The following ITGAE variants were observed in gnomAD, a reference collection of about 807,000 sequenced individuals.
ITGAE encodes the protein integrin alpha-E.
ITGAE carries 99 observed loss-of-function variants against 136.5 expected under a neutral mutation model. The observed-to-expected ratio is 0.73, with a 90% CI of 0.62 to 0.86. ITGAE has a LOEUF of 0.86. Ranked by LOEUF, ITGAE falls within the 40% of genes least tolerant of loss-of-function variation. The pLI, the probability that ITGAE is intolerant of heterozygous loss-of-function variation, is 0.00. For synonymous variants in ITGAE, 613 were observed against 591.8 expected (o/e 1.04, Z -0.52); for missense variants, 1,447 against 1,515.3 (o/e 0.95, Z 0.75).
rs552740214 is a variant in ITGAE at position 3,744,014 on chromosome 17, T to C, written c.2320-397A>G. The stretch of plus-strand genomic sequence containing the variant: ...CACCGCGCCCGGCCTCTTTTCTTTT[T>C]TTTTTTTTTTAAGATAAGGTCTCAC... On this transcript the variant is annotated intron_variant, in intron 18 of 30. Transcript: ENST00000263087. 7.9e-5 allele frequency among the ~76,000 whole-genome samples: 12 copies of C among 151,634 alleles called. No individual in the cohort carries two copies. The East Asian group carries it at 1.7e-3, about 22-fold the overall frequency.
rs367959525 is a variant in ITGAE at position 3,798,347 on chromosome 17, G to A, written c.34+2764C>T. On this transcript the variant is annotated intron_variant, in intron 1 of 30. Transcript: ENST00000263087. This position sits in a 1 kb window ranked among gnomAD's most constrained non-coding sequence, Gnocchi z 4.3. ...GCACCTCCAGGGCCCAGCATGTCCC[G>A]ATTTGGGGCGGGGCTGGAAGGGAAA... Among the ~76,000 whole-genome samples, 20 of 152,166 alleles carry A rather than the reference G, an allele frequency of 1.3e-4. No individual in the cohort carries two copies. Among genetic ancestry groups the A allele is most frequent in the East Asian group, 5.8e-4 (3 of 5,198 alleles).
intron 19 of ITGAE, among the ~76,000 whole-genome samples, chr17:3,741,382 C>T (rs1051967696): frequency 2.0e-5 from 3 of 151,934 alleles, no homozygotes; most frequent in South Asian, 2.1e-4. Context: ...CCCCCGCGCC[C>T]GGCCTTTTGT....
chr17:3,745,144 C>T (rs1014821295), intron 18 of ITGAE, among the ~76,000 whole-genome samples: 3 of 152,036 alleles, frequency 2.0e-5, no homozygotes, highest in African/African-American at 4.8e-5. Context: ...TCTAGATGGT[C>T]GTTTCTATCT....
chr17:3,734,957 G>A lies in ITGAE; in HGVS notation c.2523-8C>T. The A allele has an allele frequency of 1.9e-6, 3 of 1,614,074 alleles. No homozygotes were observed. The highest frequency in any genetic ancestry group is 2.5e-6 in the Non-Finnish European group (3 of 1,179,946). ...CCCACCACCAACTCCTGCCTGCACA[G>A]GGTACAGATAAAAATGTTACAGTTT... On this transcript the variant is annotated splice_region_variant and splice_polypyrimidine_tract_variant and intron_variant, in intron 20 of 30. Coordinates refer to ENST00000263087, the MANE Select transcript of ITGAE (RefSeq NM_002208.5).
chr17:3,765,239 C>T (rs1424151478), intron 2 of ITGAE, among the ~76,000 whole-genome samples: 2 of 149,792 alleles, frequency 1.3e-5, no homozygotes, highest in Non-Finnish European at 3.0e-5. Flanking sequence ...GTCCCAGCTA[C>T]TCGGGAGCCT....
In ITGAE at chr17:3,774,434, T is replaced by G. The variant is rs578032932; in HGVS notation, c.155+3106A>C. Among the ~76,000 whole-genome samples, 25 of 152,168 alleles carry G rather than the reference T, an allele frequency of 1.6e-4. No individual in the cohort carries two copies. The East Asian group carries it at 4.8e-3, about 29-fold the overall frequency. Reference sequence around the variant, plus strand: ...AACAGCAATACGTAATACATAAACCTTGACCAGATCTGGCTTTAAAACAAC... The same window carrying G: ...AACAGCAATACGTAATACATAAACCGTGACCAGATCTGGCTTTAAAACAAC... On this transcript the variant is annotated intron_variant, in intron 2 of 30. Transcript: ENST00000263087.
intron 1 of ITGAE, among the ~76,000 whole-genome samples, chr17:3,795,990 T>A (rs1414224401): frequency 1.4e-4 from 1 of 7,112 alleles, no homozygotes; most frequent in Non-Finnish European, 3.3e-4. Flanking sequence ...TGTGTGCATC[T>A]GTGTGTGCAT....
intron 13 of ITGAE, 79 bp from the exon 14 acceptor site, chr17:3,753,509 C>G: frequency 6.6e-7 from 1 of 1,521,290 alleles, no homozygotes; most frequent in Non-Finnish European, 8.9e-7. Flanking sequence ...TGCCCGCGTG[C>G]TTCCTGGACC....
intron 5 of ITGAE, 26 bp from the exon 6 acceptor site, chr17:3,761,203 C>T (rs773944822): frequency 6.2e-7 from 1 of 1,605,916 alleles, no homozygotes; most frequent in Admixed American, 1.7e-5. Context: ...TGGAAGAGCT[C>T]AGAGTCAGAA....
chr17:3,743,499 G>A lies in ITGAE; in HGVS notation c.2438C>T (p.Ala813Val), dbSNP rs1172802064. The change falls in exon 19 of 31, where the codon GCC becomes GTC. Residue 813 changes from alanine to valine, a missense_variant. Ala to Val is a moderately conservative substitution (Grantham distance 64). Around this residue, in one of 3 missense-constraint regions of ITGAE, gnomAD observed 1,031 missense variants for 1,011.4 expected, o/e 1.02. Coordinates refer to ENST00000263087, the MANE Select transcript of ITGAE (RefSeq NM_002208.5). ...TGTGGGTAGAGTCACCTGGAAGATG[G>A]CAAAGGGCTCAGTGTAGCGGTCCAG... ...PILDRYTEPF[A>V]IFQLPYEKAC... The A allele has an allele frequency of 1.3e-6, 2 of 1,595,896 alleles. No homozygotes were observed. The highest frequency in any genetic ancestry group is 3.7e-5 in the Admixed American group (2 of 54,642).
intron 14 of ITGAE, among the ~76,000 whole-genome samples, chr17:3,752,799 C>T (rs551608633): frequency 6.6e-6 from 1 of 151,846 alleles, no homozygotes; most frequent in African/African-American, 2.4e-5. Flanking sequence ...CCTGTAATCC[C>T]AACACTTTGG....
At chr17:3,789,124 G>A (rs1284097099) in intron 1 of ITGAE, among the ~76,000 whole-genome samples, 1 of 152,032 alleles carries the variant, frequency 6.6e-6, no homozygotes, top group Non-Finnish European at 1.5e-5. Flanking sequence ...GAGCCTGCCT[G>A]TGGTCCTAGC....
intron 6 of ITGAE, 103 bp from the exon 7 acceptor site, chr17:3,760,390 C>A: frequency 1.3e-5 from 4 of 312,252 alleles, no homozygotes; most frequent in South Asian, 3.0e-5. Context: ...ACAACCAGCT[C>A]AGTTCAGGGA....
chr17:3,792,780 T>C (rs955061611), intron 1 of ITGAE, among the ~76,000 whole-genome samples: 4 of 152,202 alleles, frequency 2.6e-5, no homozygotes, highest in Non-Finnish European at 5.9e-5. Flanking sequence ...GATATCAACA[T>C]GAAAAAGATC....
rs993620240 is a variant in ITGAE at position 3,716,720 on chromosome 17, C to T, written c.3412G>A (p.Val1138Met). ...IIKGSVGGLL[V>M]LIVILVILFK... ...AGGATGACCAGAATCACGATCAACA[C>T]CAGAAGTCCACCAACGCTGCCTTTA... is the stretch of plus-strand genomic sequence containing the variant. The change falls in exon 30 of 31, where the codon GTG becomes ATG. Residue 1138 changes from valine to methionine, a missense_variant. By Grantham distance (21) the Val-to-Met change is conservative (BLOSUM62 1). This residue lies in a region of ITGAE where 1,031 missense variants were observed against 1,011.4 expected (regional missense o/e 1.02). Coordinates refer to ENST00000263087, the MANE Select transcript of ITGAE (RefSeq NM_002208.5). The T allele has an allele frequency of 2.1e-5, 34 of 1,609,540 alleles. No individual in the cohort carries two copies. The Admixed American group carries it at 5.7e-4, about 27-fold the overall frequency.
At chr17:3,723,467 G>GT in intron 27 of ITGAE, 84 bp from the exon 28 acceptor site, 1 of 1,110,252 alleles carries the variant, frequency 9.0e-7, no homozygotes, top group Non-Finnish European at 1.4e-6. Context: ...ACAGAGCATC[G>GT]TAAGGTCCCA....
intron 8 of ITGAE, among the ~76,000 whole-genome samples, 157 bp from the exon 9 acceptor site, chr17:3,758,016 C>T (rs776060004): frequency 1.3e-5 from 2 of 152,142 alleles, no homozygotes; most frequent in African/African-American, 2.4e-5. Flanking sequence ...AGTCACGCAG[C>T]GAGGCTGGGC....
rs2051143974 is a variant in ITGAE at position 3,724,146 on chromosome 17, T to C, written c.3085-402A>G. 4 of 1,595,292 alleles carry C rather than the reference T, an allele frequency of 2.5e-6. No homozygotes were observed. In the East Asian group the frequency reaches 9.0e-5, roughly 36 times the overall value. ...TCCTGACGATCCCGACGACCCCGAC[T>C]TCCCCGGCAGCCCGGTGAGGCGGCG... On this transcript the variant is annotated intron_variant, in intron 26 of 30. Coordinates refer to ENST00000263087, the MANE Select transcript of ITGAE (RefSeq NM_002208.5).
chr17:3,777,162 C>T (rs1034401689), intron 2 of ITGAE, among the ~76,000 whole-genome samples: 16 of 151,764 alleles, frequency 1.1e-4, no homozygotes, highest in Admixed American at 7.2e-4. Flanking sequence ...AGGGTTTCAC[C>T]GTGTTAGCCA....
Sources: gnomAD v4.1 joint callset for allele counts (sites outside exome capture counted in the v4.1 genomes callset) on GRCh38, gnomAD v4.1.1 for gene constraint, gnomAD v4.1.1 regional missense constraint, Gnocchi (gnomAD v3.1) non-coding constraint, MANE v1.5 for transcripts, NCBI Gene and HGNC (gene_info 2026-07-23, HGNC 2026-07-21) for gene names.